The following SHISA9 variants were observed in gnomAD, a reference collection of about 807,000 sequenced individuals.
SHISA9 encodes protein shisa-9.
A neutral mutation model predicts 38.0 loss-of-function variants in SHISA9; 13 were observed. That is an observed-to-expected ratio of 0.34 (90% CI 0.22 to 0.54). The LOEUF is 0.54. SHISA9 is among the 20% of genes least tolerant of loss of function. The pLI, the probability that SHISA9 is intolerant of heterozygous loss-of-function variation, is 0.91. For missense variants in SHISA9, 538 were observed against 575.8 expected, an observed-to-expected ratio of 0.93 and a Z score of 0.67; for synonymous variants, 275 against 242.0, an observed-to-expected ratio of 1.14 and a Z score of -1.27.
At position 13,206,601 on chromosome 16, in the gene SHISA9, T is replaced by C. The variant is rs147740345; in HGVS notation, c.847+3052T>C. Among the ~76,000 whole-genome samples, 516 of 152,366 alleles carry C rather than the reference T, an allele frequency of 3.4e-3. 2 individuals are homozygous for C. Among genetic ancestry groups the C allele is most frequent in the Admixed American group, 8.7e-3 (133 of 15,308 alleles). On this transcript the variant is annotated intron_variant, in intron 3 of 4. Coordinates refer to ENST00000558583, the MANE Select transcript of SHISA9 (RefSeq NM_001145204.3). ...TCTATGTTTGGGAATTCATGTTCCC[T>C]GATCTCTTAAGATTTCCAGATGGAA...
At chr16:13,287,944 A>C in the SHISA9 span, among the ~76,000 whole-genome samples, 1 of 152,052 alleles carries the variant, frequency 6.6e-6, no homozygotes, top group East Asian at 1.9e-4. Context: ...CTAATGGGTG[A>C]ATACAGGTCC....
intron 2 of SHISA9, among the ~76,000 whole-genome samples, chr16:12,930,860 C>T (rs1229027564): frequency 6.6e-6 from 1 of 152,036 alleles, no homozygotes; most frequent in African/African-American, 2.4e-5. Flanking sequence ...GGGAAAAAAA[C>T]CCATAACAAC....
intron 2 of SHISA9, among the ~76,000 whole-genome samples, chr16:13,050,105 C>T (rs1000104422): frequency 2.6e-5 from 4 of 151,734 alleles, no homozygotes; most frequent in Admixed American, 6.6e-5. Flanking sequence ...TGACATGGAG[C>T]GATGTCTAGG....
the SHISA9 span, among the ~76,000 whole-genome samples, chr16:13,391,061 A>T: frequency 6.6e-6 from 1 of 152,200 alleles, no homozygotes; most frequent in Non-Finnish European, 1.5e-5. Flanking sequence ...AAAGAGGATG[A>T]GAATTAAAGA....
the SHISA9 span, among the ~76,000 whole-genome samples, chr16:13,471,719 A>T: frequency 6.6e-6 from 1 of 152,144 alleles, no homozygotes; most frequent in Non-Finnish European, 1.5e-5. Flanking sequence ...AATCCACCAG[A>T]ATTTAGGGCT....
the SHISA9 span, among the ~76,000 whole-genome samples, chr16:13,293,678 A>G: frequency 1.3e-5 from 2 of 152,238 alleles, no homozygotes; most frequent in Non-Finnish European, 2.9e-5. Context: ...GTCTAAGTTG[A>G]AGCCAACATT....
At chr16:13,491,817 C>CTTTTTTTTTTTTTTTTTTTTTTTTTTT in the SHISA9 span, among the ~76,000 whole-genome samples, 1 of 46,892 alleles carries the variant, frequency 2.1e-5, no homozygotes. Context: ...TATTTATTGA[C>CTTTTTTTTTTTTTTTTTTTTTTTTTTT]CTTTTTTTTT....
intron 1 of SHISA9, among the ~76,000 whole-genome samples, chr16:12,916,341 G>A (rs1225852769): frequency 6.6e-6 from 1 of 152,158 alleles, no homozygotes; most frequent in African/African-American, 2.4e-5. Flanking sequence ...TGTACATGAA[G>A]AGTTTGTATC....
chr16:13,016,391 A>C (rs1489233812), intron 2 of SHISA9, among the ~76,000 whole-genome samples: 1 of 152,170 alleles, frequency 6.6e-6, no homozygotes, highest in Non-Finnish European at 1.5e-5. Flanking sequence ...GAGCCATCTA[A>C]ATATTTGCTG....
At chr16:13,367,656 G>GC in the SHISA9 span, among the ~76,000 whole-genome samples, 1 of 149,678 alleles carries the variant, frequency 6.7e-6, no homozygotes, top group East Asian at 2.0e-4. Flanking sequence ...TAGGATGCGG[G>GC]GGGGAATGAA....
At chr16:12,905,465 T>C (rs1208389286) in intron 1 of SHISA9, among the ~76,000 whole-genome samples, 1 of 152,128 alleles carries the variant, frequency 6.6e-6, no homozygotes, top group Non-Finnish European at 1.5e-5. Flanking sequence ...CCTAATGGCT[T>C]TGAGATAAAG....
chr16:13,556,435 C>A, the SHISA9 span, among the ~76,000 whole-genome samples: 1 of 152,010 alleles, frequency 6.6e-6, no homozygotes, highest in Non-Finnish European at 1.5e-5. Context: ...CCGAGGCGGG[C>A]GGATCACGAG....
intron 2 of SHISA9, among the ~76,000 whole-genome samples, chr16:13,083,367 T>C (rs1028876079): frequency 2.6e-5 from 4 of 152,158 alleles, no homozygotes; most frequent in Admixed American, 1.3e-4. Context: ...TTCCATGAGA[T>C]GATGTATGCA....
intron 4 of SHISA9, among the ~76,000 whole-genome samples, chr16:13,220,840 A>C (rs2051216995): frequency 6.6e-6 from 1 of 152,160 alleles, no homozygotes; most frequent in Admixed American, 6.5e-5. Flanking sequence ...TTGACTGCAC[A>C]GCAGGACTGC....
the SHISA9 span, among the ~76,000 whole-genome samples, chr16:13,283,378 T>A: frequency 6.6e-6 from 1 of 152,256 alleles, no homozygotes; most frequent in South Asian, 2.1e-4. Context: ...GTTCTCACAC[T>A]GCTAATAAAG....
intron 2 of SHISA9, among the ~76,000 whole-genome samples, chr16:13,062,840 C>A (rs576121850): frequency 5.3e-5 from 8 of 152,108 alleles, no homozygotes; most frequent in African/African-American, 1.7e-4. Flanking sequence ...TTTCTTGGTG[C>A]CCCTGTAAGT....
At chr16:12,910,590 C>A (rs1017364201) in intron 1 of SHISA9, 4 of 985,304 alleles carry the variant, frequency 4.1e-6, no homozygotes, top group Non-Finnish European at 3.6e-6. Flanking sequence ...AATATTCAGT[C>A]ATTTCAACCT....
the SHISA9 span, among the ~76,000 whole-genome samples, chr16:13,416,174 A>G: frequency 6.6e-6 from 1 of 152,242 alleles, no homozygotes; most frequent in African/African-American, 2.4e-5. Context: ...CACAAAGTTA[A>G]GAAACAAGCT....
intron 2 of SHISA9, among the ~76,000 whole-genome samples, chr16:13,034,273 C>T (rs182297427): frequency 7.4e-4 from 112 of 152,176 alleles, no homozygotes; most frequent in Middle Eastern, 3.4e-3. Context: ...TCAGGAATGG[C>T]ATTGGTGGGG....
Sources: gnomAD v4.1 joint callset for allele counts (sites outside exome capture counted in the v4.1 genomes callset) on GRCh38, gnomAD v4.1.1 for gene constraint, MANE v1.5 for transcripts, NCBI Gene and HGNC (gene_info 2026-07-23, HGNC 2026-07-21) for gene names.